ULK2: variants seen among roughly 807,000 people sequenced by gnomAD.
The protein encoded by ULK2 is unc-51 like autophagy activating kinase 2.
In ULK2, 76 loss-of-function variants were observed where a neutral mutation model predicts 127.5. The ratio of observed to expected loss-of-function variants is 0.60; its 90% CI spans 0.50 to 0.72. The LOEUF is 0.72. ULK2 is among the 30% of genes least tolerant of loss of function. The probability of loss-of-function intolerance (pLI) is 0.00; values close to 1 mark genes in which losing one functional copy is unlikely to be tolerated. For synonymous variants in ULK2, 452 were observed against 461.9 expected, an observed-to-expected ratio of 0.98 and a Z score of 0.28; for missense variants, 1,144 against 1,295.9, an observed-to-expected ratio of 0.88 and a Z score of 1.80.
chr17:19,812,951 A>C (rs2087675588), intron 13 of ULK2, among the ~76,000 whole-genome samples: 1 of 152,246 alleles, frequency 6.6e-6, no homozygotes, highest in African/African-American at 2.4e-5. Flanking sequence ...GGGACAGAGT[A>C]AAACAGAGGG....
chr17:19,778,900 C>A (rs567721822), intron 25 of ULK2, among the ~76,000 whole-genome samples: 18 of 152,180 alleles, frequency 1.2e-4, no homozygotes, highest in African/African-American at 4.3e-4. Flanking sequence ...CCAGGACGAA[C>A]GGAGGAATTT....
intron 3 of ULK2, among the ~76,000 whole-genome samples, chr17:19,860,128 T>C (rs1474784048): frequency 6.6e-6 from 1 of 151,332 alleles, no homozygotes; most frequent in Non-Finnish European, 1.5e-5. Flanking sequence ...AAAAACTAAG[T>C]ATAAATGTTT....
intron 3 of ULK2, among the ~76,000 whole-genome samples, chr17:19,856,461 A>C (rs1329800361): frequency 6.6e-6 from 1 of 151,468 alleles, no homozygotes; most frequent in Non-Finnish European, 1.5e-5. Context: ...AGGTGCCTGT[A>C]GTCCCAGCTA....
At chr17:19,842,687 A>T (rs528364609) in intron 8 of ULK2, among the ~76,000 whole-genome samples, 27 of 152,210 alleles carry the variant, frequency 1.8e-4, no homozygotes, top group Admixed American at 3.3e-4. Flanking sequence ...AGACAGACCC[A>T]TAATAATTTC....
intron 21 of ULK2, among the ~76,000 whole-genome samples, chr17:19,785,207 A>G (rs1003622477): frequency 6.6e-6 from 1 of 152,128 alleles, no homozygotes; most frequent in Non-Finnish European, 1.5e-5. Flanking sequence ...AAATAAATAA[A>G]TAAAACAAGT....
chr17:19,857,617 T>C (rs1243125887), intron 3 of ULK2, among the ~76,000 whole-genome samples: 1 of 152,212 alleles, frequency 6.6e-6, no homozygotes, highest in Non-Finnish European at 1.5e-5. Flanking sequence ...GAGGTAGATA[T>C]TTAACCAGGC....
At chr17:19,840,507 T>A in intron 9 of ULK2, 2 of 445,780 alleles carry the variant, frequency 4.5e-6, no homozygotes, top group Non-Finnish European at 8.7e-6. Context: ...ATTTAACCTC[T>A]CATATTAAGT....
intron 15 of ULK2, among the ~76,000 whole-genome samples, chr17:19,803,654 G>A (rs780439475): frequency 2.0e-4 from 31 of 152,088 alleles, no homozygotes; most frequent in Non-Finnish European, 3.7e-4. Flanking sequence ...TTGGCACAGA[G>A]GGAACTCCTT....
chr17:19,842,900 A>C (rs2152397424), intron 8 of ULK2, among the ~76,000 whole-genome samples: 1 of 152,306 alleles, frequency 6.6e-6, no homozygotes, highest in Non-Finnish European at 1.5e-5. Context: ...AACATACAAC[A>C]GACTTCATGC....
At chr17:19,829,112 G>C (rs190389250) in intron 10 of ULK2, among the ~76,000 whole-genome samples, 1 of 143,910 alleles carries the variant, frequency 6.9e-6, no homozygotes, top group Non-Finnish European at 1.6e-5. Context: ...TAAATCTAAA[G>C]ACACAAATAT....
Position 19,775,216 on chromosome 17 carries a change from T to A in ULK2, c.*1133A>T, listed in dbSNP as rs534001438. 2 of 152,766 alleles carry A rather than the reference T, an allele frequency of 1.3e-5. No individual in the cohort carries two copies. The highest frequency in any genetic ancestry group is 1.3e-4 in the Admixed American group (2 of 15,306). The allele number at this position is 152,766 out of a possible 1,614,324, so 9.5% of individuals were successfully genotyped here. A position where few individuals can be genotyped will look rare whatever the true frequency, so the allele number is the denominator to read the frequency against. ...AGGGATATTAAGTTAACTGCCTGCA[T>A]TCTCCATGACTAGCTATTTGGTGAA... is the stretch of plus-strand genomic sequence containing the variant. On this transcript the variant is annotated 3_prime_UTR_variant, in exon 27 of 27. Coordinates refer to ENST00000395544, the MANE Select transcript of ULK2 (RefSeq NM_014683.4).
intron 10 of ULK2, among the ~76,000 whole-genome samples, chr17:19,829,062 C>CAT (rs1323489055): frequency 6.6e-6 from 1 of 151,496 alleles, no homozygotes; most frequent in African/African-American, 2.4e-5. Flanking sequence ...TGTAAGACTC[C>CAT]ATCTCAAAAA....
intron 22 of ULK2, among the ~76,000 whole-genome samples, chr17:19,782,606 G>T (rs2086943110): frequency 6.6e-6 from 1 of 152,194 alleles, no homozygotes; most frequent in Non-Finnish European, 1.5e-5. Context: ...AGCATTCAGA[G>T]GGCTGTCATT....
At chr17:19,787,062 G>T (rs987209013) in intron 20 of ULK2, among the ~76,000 whole-genome samples, 1 of 150,648 alleles carries the variant, frequency 6.6e-6, no homozygotes, top group Non-Finnish European at 1.5e-5. Context: ...GCATTGGCAC[G>T]ATCTCAGCTC....
intron 23 of ULK2, 129 bp from the exon 24 acceptor site, chr17:19,781,233 C>G: frequency 3.7e-6 from 2 of 546,542 alleles, no homozygotes; most frequent in Non-Finnish European, 6.2e-6. Context: ...TTCTTTTCTT[C>G]TTTCTTTTCT....
intron 3 of ULK2, among the ~76,000 whole-genome samples, chr17:19,862,806 C>T (rs963679163): frequency 6.6e-6 from 1 of 152,076 alleles, no homozygotes; most frequent in African/African-American, 2.4e-5. Flanking sequence ...TATACAACAG[C>T]CCATTTGTCT....
chr17:19,850,402 G>T (rs2041987385), intron 3 of ULK2, among the ~76,000 whole-genome samples: 1 of 152,146 alleles, frequency 6.6e-6, no homozygotes, highest in Non-Finnish European at 1.5e-5. Context: ...TATAGCTCCA[G>T]GTCTGCTGTT....
intron 1 of ULK2, among the ~76,000 whole-genome samples, chr17:19,866,733 G>A (rs2042358559): frequency 6.6e-6 from 1 of 152,168 alleles, no homozygotes; most frequent in African/African-American, 2.4e-5. Flanking sequence ...AAGGCTTAAA[G>A]GTGATTTCAT....
At chr17:19,817,651 T>C (rs547922402) in intron 12 of ULK2, among the ~76,000 whole-genome samples, 1 of 152,336 alleles carries the variant, frequency 6.6e-6, no homozygotes, top group East Asian at 1.9e-4. Flanking sequence ...TGACAACTCA[T>C]TGAATATCTT....
Sources: gnomAD v4.1 joint callset for allele counts (sites outside exome capture counted in the v4.1 genomes callset) on GRCh38, gnomAD v4.1.1 for gene constraint, MANE v1.5 for transcripts, NCBI Gene and HGNC (gene_info 2026-07-23, HGNC 2026-07-21) for gene names.